PALM2AKAP2: variants seen among roughly 807,000 people sequenced by gnomAD.
PALM2AKAP2 encodes the protein PALM2-AKAP2 fusion protein.
A neutral mutation model predicts 71.5 loss-of-function variants in PALM2AKAP2; 37 were observed. The ratio of observed to expected loss-of-function variants is 0.52; its 90% CI spans 0.40 to 0.68. The LOEUF (loss-of-function observed/expected upper bound fraction) is 0.68, where lower values mean the gene tolerates loss of function less well. Among genes scored for constraint, PALM2AKAP2 ranks in the 30% least tolerant of loss-of-function variants. The pLI is 0.00. For missense variants in PALM2AKAP2, 1,224 were observed against 1,191.8 expected (o/e 1.03, Z -0.40); for synonymous variants, 468 against 478.8 (o/e 0.98, Z 0.29).
At chr9:110,114,899 T>C (rs1269926913) in intron 1 of PALM2AKAP2, among the ~76,000 whole-genome samples, 4 of 152,162 alleles carry the variant, frequency 2.6e-5, no homozygotes, top group Non-Finnish European at 5.9e-5. Flanking sequence ...AGATTCTTCA[T>C]AAATGAGAGA....
intron 1 of PALM2AKAP2, among the ~76,000 whole-genome samples, chr9:109,743,009 A>G (rs1028600934): frequency 6.6e-6 from 1 of 152,146 alleles, no homozygotes; most frequent in East Asian, 1.9e-4. Context: ...GGAGTTTTCC[A>G]TTTACAGAGC....
chr9:109,879,894 C>T (rs749622964), intron 2 of PALM2AKAP2, among the ~76,000 whole-genome samples: 35 of 152,238 alleles, frequency 2.3e-4, no homozygotes, highest in East Asian at 9.7e-4. Context: ...GACAAGGTCT[C>T]ACTATGTTGC....
At chr9:109,662,808 T>C (rs1035054115) in intron 1 of PALM2AKAP2, among the ~76,000 whole-genome samples, 1 of 152,176 alleles carries the variant, frequency 6.6e-6, no homozygotes, top group Admixed American at 6.5e-5. Context: ...TGGACTTTTT[T>C]TGGTTGGTAG....
At chr9:109,824,551 G>A (rs1039667542) in intron 1 of PALM2AKAP2, among the ~76,000 whole-genome samples, 2 of 152,310 alleles carry the variant, frequency 1.3e-5, no homozygotes, top group African/African-American at 4.8e-5. Flanking sequence ...CCCTGTGTGA[G>A]GCCCTAATGA....
At chr9:109,731,851 G>A (rs1158344736) in intron 1 of PALM2AKAP2, among the ~76,000 whole-genome samples, 1 of 152,200 alleles carries the variant, frequency 6.6e-6, no homozygotes, top group Non-Finnish European at 1.5e-5. Flanking sequence ...CATCAGGGGA[G>A]AAGAGAGGGT....
rs886326232 is a variant in PALM2AKAP2 at position 109,774,754 on chromosome 9, G to T, written c.6-5734G>T. ...GCATTTTTCATGAAGCAATGATTGG[G>T]TTGAGTGATCAAGATTACCATTTCC... On this transcript the variant is annotated intron_variant, in intron 1 of 6. Coordinates refer to the PALM2AKAP2 transcript ENST00000374531. 6.4e-4 allele frequency among the ~76,000 whole-genome samples: 98 copies of T among 152,072 alleles called. 2 individuals are homozygous for T. The highest frequency in any genetic ancestry group is 6.3e-3 in the Admixed American group (96 of 15,270).
intron 7 of PALM2AKAP2, among the ~76,000 whole-genome samples, chr9:110,030,197 A>C (rs1833255574): frequency 6.6e-6 from 1 of 152,140 alleles, no homozygotes; most frequent in African/African-American, 2.4e-5. Flanking sequence ...AAGTGTGGAG[A>C]TAGGAAGTGG....
intron 1 of PALM2AKAP2, among the ~76,000 whole-genome samples, chr9:110,088,465 T>G (rs570260456): frequency 1.3e-5 from 2 of 152,256 alleles, no homozygotes; most frequent in East Asian, 3.9e-4. Context: ...TAATTTCAAT[T>G]TTTCATCTGC....
chr9:110,138,462 T>C, exon 2 of PALM2AKAP2: 7 of 1,614,176 alleles, frequency 4.3e-6, no homozygotes, highest in Non-Finnish European at 5.9e-6. Flanking sequence ...CAGAGACAAG[T>C]CTTGCAGAGT....
intron 6 of PALM2AKAP2, among the ~76,000 whole-genome samples, chr9:109,996,731 G>A (rs1426153363): frequency 3.9e-5 from 6 of 152,250 alleles, no homozygotes; most frequent in African/African-American, 1.4e-4. Flanking sequence ...TACTGTGGTA[G>A]CTGGAAAGCT....
intron 1 of PALM2AKAP2, among the ~76,000 whole-genome samples, chr9:109,866,873 T>G (rs1829461282): frequency 6.6e-6 from 1 of 152,128 alleles, no homozygotes; most frequent in African/African-American, 2.4e-5. Context: ...GATTTCATAT[T>G]TATCGTAACC....
At chr9:109,727,262 A>T (rs1044210317) in intron 1 of PALM2AKAP2, among the ~76,000 whole-genome samples, 13 of 152,096 alleles carry the variant, frequency 8.5e-5, no homozygotes, top group Admixed American at 7.2e-4. Context: ...TATCTGCCCC[A>T]CCAACTTTAC....
intron 1 of PALM2AKAP2, chr9:109,640,890 C>T: frequency 6.6e-7 from 1 of 1,514,180 alleles, no homozygotes; most frequent in Non-Finnish European, 8.8e-7. Context: ...AGCCGCGCCG[C>T]CAGCTGCTCT....
intron 1 of PALM2AKAP2, among the ~76,000 whole-genome samples, chr9:110,091,491 C>T (rs1486800918): frequency 8.9e-5 from 9 of 100,976 alleles, no homozygotes; most frequent in Non-Finnish European, 1.4e-4. Flanking sequence ...GAGACAGAGT[C>T]TTGCTCTGTC....
At chr9:109,908,723 A>G (rs867946317) in intron 3 of PALM2AKAP2, among the ~76,000 whole-genome samples, 30 of 152,244 alleles carry the variant, frequency 2.0e-4, no homozygotes, top group African/African-American at 6.3e-4. Flanking sequence ...AGTAACCTCC[A>G]ATATGGACAA....
intron 6 of PALM2AKAP2, among the ~76,000 whole-genome samples, chr9:110,002,674 G>T (rs906136586): frequency 1.3e-5 from 2 of 152,030 alleles, no homozygotes; most frequent in Admixed American, 6.5e-5. Context: ...ACTTTTTTTG[G>T]TTGGTGAGCT....
rs185426827 is a variant in PALM2AKAP2 at position 110,091,320 on chromosome 9, T to C, written c.156+42465T>C. ...ACCCTCTTAACTAAAGAGAGGTAAC[T>C]TCCTTTTCAAAACTCTGAAATTTAC... On this transcript the variant is annotated intron_variant, in intron 1 of 3. Coordinates refer to ENST00000374525, the Ensembl canonical transcript of PALM2AKAP2. Among the ~76,000 whole-genome samples, 303 of 152,206 alleles carry C rather than the reference T, an allele frequency of 2.0e-3. 2 individuals are homozygous for C. Among genetic ancestry groups the C allele is most frequent in the African/African-American group, 7.1e-3 (295 of 41,520 alleles).
chr9:110,010,669 A>T (rs989677981), intron 6 of PALM2AKAP2, among the ~76,000 whole-genome samples: 25 of 147,914 alleles, frequency 1.7e-4, no homozygotes, highest in African/African-American at 5.4e-4. Flanking sequence ...AGAATACTTA[A>T]ATATATTTTA....
chr9:109,641,009 T>G, intron 1 of PALM2AKAP2: 5 of 1,238,412 alleles, frequency 4.0e-6, no homozygotes, highest in Non-Finnish European at 5.3e-6. Flanking sequence ...GGTGTTTCTA[T>G]AGCAGCCGCC....
Sources: gnomAD v4.1 joint callset for allele counts (sites outside exome capture counted in the v4.1 genomes callset) on GRCh38, gnomAD v4.1.1 for gene constraint, MANE v1.5 for transcripts, NCBI Gene and HGNC (gene_info 2026-07-23, HGNC 2026-07-21) for gene names.